Variants in PPP1R12B observed in about 807,000 individuals in gnomAD.
PPP1R12B encodes the protein protein phosphatase 1 regulatory subunit 12B.
In PPP1R12B, 76 loss-of-function variants were observed where a neutral mutation model predicts 126.1. The observed-to-expected ratio is 0.60, with a 90% confidence interval of 0.50 to 0.73. The LOEUF is 0.73. Among genes scored for constraint, PPP1R12B ranks in the 30% least tolerant of loss-of-function variants. The probability of loss-of-function intolerance (pLI) is 0.00; values close to 1 mark genes in which losing one functional copy is unlikely to be tolerated. For missense variants in PPP1R12B, 1,052 were observed against 1,205.1 expected (o/e 0.87, Z 1.88); for synonymous variants, 356 against 434.7 (o/e 0.82, Z 2.25).
chr1:202,487,359 A>T (rs1053592649), intron 13 of PPP1R12B, among the ~76,000 whole-genome samples: 3 of 152,214 alleles, frequency 2.0e-5, no homozygotes, highest in African/African-American at 7.2e-5. Context: ...ATTACACTTA[A>T]TGAAAAAATG....
chr1:202,497,534 A>G (rs1679710279), intron 18 of PPP1R12B, among the ~76,000 whole-genome samples: 1 of 152,248 alleles, frequency 6.6e-6, no homozygotes, highest in African/African-American at 2.4e-5. Flanking sequence ...GTATGTTTTC[A>G]GAGTATATTT....
chr1:202,437,313 A>C (rs891295540), intron 9 of PPP1R12B, among the ~76,000 whole-genome samples: 2 of 145,572 alleles, frequency 1.4e-5, no homozygotes, highest in African/African-American at 2.8e-5. Context: ...CCTCGGTGAT[A>C]AGAGTGAGAC....
At chr1:202,547,848 T>C (rs1685811285) in intron 18 of PPP1R12B, among the ~76,000 whole-genome samples, 1 of 152,224 alleles carries the variant, frequency 6.6e-6, no homozygotes, top group South Asian at 2.1e-4. Context: ...TTATTTGAGC[T>C]TATTCCTCTT....
At chr1:202,491,856 G>A (rs1044657536) in intron 14 of PPP1R12B, among the ~76,000 whole-genome samples, 11 of 152,082 alleles carry the variant, frequency 7.2e-5, no homozygotes, top group Non-Finnish European at 1.6e-4. Context: ...AGGGACCACC[G>A]ACTCCCAAAG....
intron 1 of PPP1R12B, among the ~76,000 whole-genome samples, chr1:202,364,168 C>A (rs1658728601): frequency 6.6e-6 from 1 of 152,098 alleles, no homozygotes; most frequent in Admixed American, 6.6e-5. Context: ...TATCAAACTT[C>A]TGCTTGATAT....
chr1:202,357,825 G>A (rs1026990223), intron 1 of PPP1R12B, among the ~76,000 whole-genome samples: 3 of 152,120 alleles, frequency 2.0e-5, no homozygotes, highest in African/African-American at 4.8e-5. Context: ...ATCTGATTCT[G>A]TGCTGCTTGT....
rs1689824394 is a variant in PPP1R12B, at chr1:202,586,554, T to C, written c.*5994T>C. ...GGACAGCTATTGATCTTTTGTGTTC[T>C]GATTAGATTGGAAAATAGATCAACT... On this transcript the variant is annotated 3_prime_UTR_variant, in exon 24 of 24. Transcript: ENST00000608999. The C allele has an allele frequency of 6.6e-6, 1 of 152,240 alleles. No homozygotes were observed. The highest frequency in any genetic ancestry group is 2.4e-5 in the African/African-American group (1 of 41,458). The allele number at this position is 152,240 out of a possible 1,614,324, so 9.4% of individuals were successfully genotyped here.
chr1:202,445,136 T>C, intron 12 of PPP1R12B: 1 of 1,246,994 alleles, frequency 8.0e-7, no homozygotes, highest in Non-Finnish European at 1.0e-6. Context: ...TTACCATTGG[T>C]TCATCTACCT....
At chr1:202,534,333 G>C (rs1684304681) in intron 18 of PPP1R12B, among the ~76,000 whole-genome samples, 1 of 152,130 alleles carries the variant, frequency 6.6e-6, no homozygotes, top group Non-Finnish European at 1.5e-5. Context: ...AGGGAGCCCT[G>C]TTCCTCTTAG....
At position 202,417,214 on chromosome 1, in the gene PPP1R12B, T is replaced by G. The variant is rs538530708; in HGVS notation, c.422+297T>G. ...TGTCTGGGTTCACTTTCTGAACAAC[T>G]GTAGCTGGGCACGTATACAGGCAGG... On this transcript the variant is annotated intron_variant, in intron 2 of 23. Coordinates refer to ENST00000608999, the MANE Select transcript of PPP1R12B (RefSeq NM_002481.4). 204 of 984,562 alleles carry G rather than the reference T, an allele frequency of 2.1e-4. No homozygotes were observed. The African/African-American group carries it at 2.4e-3, about 11-fold the overall frequency. 61.0% of individuals were successfully genotyped at this position (984,562 alleles called of 1,614,324 possible). A position where few individuals can be genotyped will look rare whatever the true frequency, so the allele number is the denominator to read the frequency against.
intron 1 of PPP1R12B, among the ~76,000 whole-genome samples, chr1:202,358,167 G>A (rs1016219272): frequency 2.0e-5 from 3 of 152,128 alleles, no homozygotes; most frequent in African/African-American, 7.2e-5. Flanking sequence ...ATAGGACAAG[G>A]AATTGAAGCC....
chr1:202,537,016 A>C (rs1412039354), intron 18 of PPP1R12B, among the ~76,000 whole-genome samples: 1 of 152,226 alleles, frequency 6.6e-6, no homozygotes, highest in East Asian at 1.9e-4. Flanking sequence ...TAGAAGGAGA[A>C]GTACACTCTA....
intron 12 of PPP1R12B, among the ~76,000 whole-genome samples, chr1:202,446,346 C>G (rs192105189): frequency 6.9e-6 from 1 of 145,638 alleles, no homozygotes; most frequent in Non-Finnish European, 1.5e-5. Context: ...CTTCACCTCC[C>G]GGGCTCGAGC....
chr1:202,438,184 G>C (rs953165544), intron 10 of PPP1R12B, 160 bp downstream of exon 10: 1 of 1,558,868 alleles, frequency 6.4e-7, no homozygotes, highest in East Asian at 2.3e-5. Flanking sequence ...TATTCAAGTA[G>C]CTATTTGCTT....
intron 18 of PPP1R12B, among the ~76,000 whole-genome samples, chr1:202,552,806 A>T (rs3767403): frequency 6.6e-5 from 10 of 152,214 alleles, no homozygotes; most frequent in Non-Finnish European, 7.3e-5. Flanking sequence ...TTGGCAGCAG[A>T]CATGTGACTT....
chr1:202,431,679 C>G, intron 8 of PPP1R12B, 60 bp downstream of exon 8: 2 of 1,487,862 alleles, frequency 1.3e-6, no homozygotes, highest in Non-Finnish European at 1.8e-6. Context: ...AAGATTACTC[C>G]TTGTCAGAGA....
chr1:202,412,133 T>C (rs1175269150), intron 1 of PPP1R12B, among the ~76,000 whole-genome samples: 2 of 152,222 alleles, frequency 1.3e-5, no homozygotes, highest in African/African-American at 4.8e-5. Flanking sequence ...TCTGTCAAAC[T>C]TCCTTACAGT....
At chr1:202,375,728 T>C (rs574466185) in intron 1 of PPP1R12B, among the ~76,000 whole-genome samples, 9 of 152,344 alleles carry the variant, frequency 5.9e-5, no homozygotes, top group African/African-American at 1.9e-4. Flanking sequence ...TTTTTTAATC[T>C]TTATTTTGTA....
Position 202,439,325 on chromosome 1 carries a change from C to T in PPP1R12B, c.1458+1301C>T. ...AGGCCATCTCCATCCTGAGGGCAGC[C>T]CTGAAGCTGGAACCTTCCAACAAGA... is the stretch of plus-strand genomic sequence containing the variant. On this transcript the variant is annotated intron_variant, in intron 10 of 23. Coordinates refer to ENST00000608999, the MANE Select transcript of PPP1R12B (RefSeq NM_002481.4). 6 of 1,419,478 alleles carry T rather than the reference C, an allele frequency of 4.2e-6. No individual in the cohort carries two copies. In the South Asian group the frequency reaches 7.0e-5, roughly 17 times the overall value. The allele number at this position is 1,419,478 out of a possible 1,614,324, so 87.9% of individuals were successfully genotyped here.
Sources: gnomAD v4.1 joint callset for allele counts (sites outside exome capture counted in the v4.1 genomes callset) on GRCh38, gnomAD v4.1.1 for gene constraint, MANE v1.5 for transcripts, NCBI Gene and HGNC (gene_info 2026-07-23, HGNC 2026-07-21) for gene names.